GUCY1A2: variants seen among roughly 807,000 people sequenced by gnomAD.
The protein encoded by GUCY1A2 is guanylate cyclase soluble subunit alpha-2.
In GUCY1A2, 27 loss-of-function variants were observed where a neutral mutation model predicts 63.5. The observed-to-expected ratio is 0.43, with a 90% CI of 0.31 to 0.59. The LOEUF (loss-of-function observed/expected upper bound fraction) is 0.59. Among genes scored for constraint, GUCY1A2 ranks in the 20% least tolerant of loss-of-function variants. The pLI is 0.11. For missense variants in GUCY1A2, 768 were observed against 913.3 expected (o/e 0.84, Z 2.05); for synonymous variants, 364 against 343.5 (o/e 1.06, Z -0.66).
At chr11:106,958,770 TAC>T (rs1183177996) in intron 3 of GUCY1A2, among the ~76,000 whole-genome samples, 1 of 152,226 alleles carries the variant, frequency 6.6e-6, no homozygotes, top group Non-Finnish European at 1.5e-5. Context: ...ATGCCAGGAT[TAC>T]AGTCTTTTGT....
At chr11:106,833,267 A>G (rs910906435) in intron 4 of GUCY1A2, among the ~76,000 whole-genome samples, 3 of 152,112 alleles carry the variant, frequency 2.0e-5, no homozygotes, top group African/African-American at 7.2e-5. Context: ...TTATCTCCAA[A>G]TAAGGTTACA....
intron 4 of GUCY1A2, among the ~76,000 whole-genome samples, chr11:106,864,750 T>C (rs1859567224): frequency 6.6e-6 from 1 of 152,142 alleles, no homozygotes; most frequent in South Asian, 2.1e-4. Context: ...CAGCCTTGCA[T>C]CCCAAGGATG....
At chr11:106,758,706 T>C (rs1050677649) in intron 6 of GUCY1A2, among the ~76,000 whole-genome samples, 3 of 152,246 alleles carry the variant, frequency 2.0e-5, no homozygotes, top group Non-Finnish European at 4.4e-5. Context: ...TAGGATTTAG[T>C]TCTTATTTCC....
chr11:106,920,714 T>A (rs1439066089), intron 4 of GUCY1A2, among the ~76,000 whole-genome samples: 3 of 152,174 alleles, frequency 2.0e-5, no homozygotes, highest in African/African-American at 4.8e-5. Context: ...TATTACCATT[T>A]TGTTAGAAGC....
At chr11:106,804,239 A>G (rs1858649193) in intron 5 of GUCY1A2, among the ~76,000 whole-genome samples, 1 of 152,228 alleles carries the variant, frequency 6.6e-6, no homozygotes, top group African/African-American at 2.4e-5. Context: ...TTCCAACAAA[A>G]TATCAGTAAA....
intron 3 of GUCY1A2, among the ~76,000 whole-genome samples, chr11:106,950,227 CCTG>C (rs1263700832): frequency 2.0e-5 from 3 of 152,196 alleles, no homozygotes; most frequent in Admixed American, 1.3e-4. Context: ...CTGTGCTATG[CCTG>C]CTATCAGATG....
intron 3 of GUCY1A2, among the ~76,000 whole-genome samples, chr11:106,952,481 T>C (rs555937881): frequency 5.3e-5 from 8 of 152,260 alleles, no homozygotes; most frequent in South Asian, 4.1e-4. Flanking sequence ...TTCCTAGGTA[T>C]TTTATTCTCT....
At chr11:106,903,580 A>T (rs907805778) in intron 4 of GUCY1A2, among the ~76,000 whole-genome samples, 1 of 152,176 alleles carries the variant, frequency 6.6e-6, no homozygotes, top group Non-Finnish European at 1.5e-5. Flanking sequence ...GGGGTTTTTT[A>T]AAATGATTTT....
At chr11:106,766,321 A>ATCTT (rs1864161765) in intron 6 of GUCY1A2, among the ~76,000 whole-genome samples, 1 of 152,160 alleles carries the variant, frequency 6.6e-6, no homozygotes, top group African/African-American at 2.4e-5. Context: ...ATTTCTCTGC[A>ATCTT]TCTTTGGTAC....
chr11:107,005,090 ATAT>A (rs745546238), intron 1 of GUCY1A2, among the ~76,000 whole-genome samples: 66 of 152,298 alleles, frequency 4.3e-4, no homozygotes, highest in African/African-American at 1.4e-3. Context: ...CAACAAATAA[ATAT>A]TATTATCATC....
chr11:106,908,588 A>G (rs1860247143), intron 4 of GUCY1A2, among the ~76,000 whole-genome samples: 1 of 151,950 alleles, frequency 6.6e-6, no homozygotes, highest in Non-Finnish European at 1.5e-5. Context: ...AGAGAGGATG[A>G]TAAAGGGTTT....
At chr11:106,905,438 A>C (rs753989458) in intron 4 of GUCY1A2, among the ~76,000 whole-genome samples, 32 of 152,110 alleles carry the variant, frequency 2.1e-4, no homozygotes, top group Admixed American at 1.8e-3. Context: ...GTTCTATCAG[A>C]CCAGGGCTCC....
intron 4 of GUCY1A2, among the ~76,000 whole-genome samples, chr11:106,860,453 T>C (rs537451564): frequency 1.8e-3 from 271 of 152,094 alleles, no homozygotes; most frequent in Non-Finnish European, 3.3e-3. Context: ...GTCATTTTCC[T>C]TTATAGCCCC....
chr11:106,740,648 C>CCGTATGTATGTA (rs372290548), intron 6 of GUCY1A2, among the ~76,000 whole-genome samples: 1 of 148,748 alleles, frequency 6.7e-6, no homozygotes. Flanking sequence ...GACCATATCA[C>CCGTATGTATGTA]TGTATGTATG....
At chr11:106,837,300 A>G (rs976457188) in intron 4 of GUCY1A2, among the ~76,000 whole-genome samples, 25 of 151,998 alleles carry the variant, frequency 1.6e-4, no homozygotes, top group African/African-American at 6.0e-4. Flanking sequence ...CTCTAGCACC[A>G]TCCATGTCCC....
intron 3 of GUCY1A2, among the ~76,000 whole-genome samples, chr11:106,943,698 T>C (rs932209708): frequency 6.6e-6 from 1 of 152,314 alleles, no homozygotes; most frequent in East Asian, 1.9e-4. Context: ...ATTTGTTTGG[T>C]GAATATTACT....
At chr11:106,754,840 G>C (rs12418916) in intron 6 of GUCY1A2, among the ~76,000 whole-genome samples, 16,288 of 152,152 alleles carry the variant, frequency 0.11, 1,016 homozygotes, top group African/African-American at 0.18. Flanking sequence ...TCTCTGCCAG[G>C]TTTTGGTATC....
chr11:107,009,097 C>A (rs1861709743), intron 1 of GUCY1A2, among the ~76,000 whole-genome samples: 1 of 152,158 alleles, frequency 6.6e-6, no homozygotes, highest in African/African-American at 2.4e-5. Context: ...AATGTTGGAT[C>A]ACCATTTATT....
intron 5 of GUCY1A2, among the ~76,000 whole-genome samples, chr11:106,805,108 T>G (rs1858663583): frequency 6.6e-6 from 1 of 152,236 alleles, no homozygotes; most frequent in Admixed American, 6.5e-5. Context: ...TTGCCCTATC[T>G]TGTCTTACTG....
Sources: allele counts gnomAD v4.1 joint callset (sites outside exome capture counted in the v4.1 genomes callset), GRCh38; gene constraint gnomAD v4.1.1; transcripts MANE v1.5; gene names NCBI Gene and HGNC (gene_info 2026-07-23, HGNC 2026-07-21).